HDAC6: variants seen among roughly 807,000 people sequenced by gnomAD.
HDAC6 encodes histone deacetylase 6.
HDAC6 carries 5 observed loss-of-function variants against 88.9 expected under a neutral mutation model. That is an observed-to-expected ratio of 0.06 (90% CI 0.03 to 0.12). The LOEUF is 0.12. HDAC6 is among the 10% of genes least tolerant of loss of function. The pLI, the probability that HDAC6 is intolerant of heterozygous loss-of-function variation, is 1.00. For synonymous variants in HDAC6, 378 were observed against 398.0 expected (o/e 0.95, Z 0.60); for missense variants, 706 against 1,014.4 (o/e 0.70, Z 4.13).
chrX:48,815,257 G>A (rs782679240), intron 14 of HDAC6, 127 bp from the exon 15 acceptor site: 3 of 576,143 alleles, frequency 5.2e-6, no homozygotes, highest in Middle Eastern at 3.1e-4. Context: ...AGTGAATTCA[G>A]TGAGGCACCC....
At chrX:48,822,228 G>A (rs2063095162) in intron 23 of HDAC6, among the ~76,000 whole-genome samples, 1 of 111,489 alleles carries the variant, frequency 9.0e-6, no homozygotes, top group African/African-American at 3.3e-5. Flanking sequence ...AGGGGTTCCT[G>A]GACAGTGTGA....
In HDAC6 at chrX:48,818,122, G is replaced by C; in HGVS notation, c.1994+13G>C. ...AGGATGACCCCAGGTAAGGGCTGCA[G>C]TCAGGGGCCGCAGTGTGATCAGGGA... On this transcript the variant is annotated intron_variant, in intron 21 of 28. Coordinates refer to ENST00000334136, the MANE Select transcript of HDAC6 (RefSeq NM_006044.4). The C allele has an allele frequency of 8.4e-7, 1 of 1,190,307 alleles. No individual in the cohort carries two copies. The highest frequency in any genetic ancestry group is 1.1e-6 in the Non-Finnish European group (1 of 883,511).
chrX:48,823,071 C>G lies in HDAC6; in HGVS notation c.2672C>G (p.Ser891Cys). The G allele has an allele frequency of 8.3e-7, 1 of 1,211,262 alleles. No homozygotes were observed. Among genetic ancestry groups the G allele is most frequent in the Non-Finnish European group, 1.1e-6 (1 of 895,268 alleles). The change falls in exon 25 of 29, where the codon TCC becomes TGC. Residue 891 changes from serine to cysteine, a missense_variant. Ser to Cys is a moderately radical substitution (Grantham distance 112, BLOSUM62 -1). Coordinates refer to ENST00000334136, the MANE Select transcript of HDAC6 (RefSeq NM_006044.4). ...KVTSASFGEE[S>C]TPGQTNSETA... ...ACCTCGGCATCATTTGGGGAAGAGT[C>G]CACTCCAGGCCAGACTAACTCAGAG...
intron 10 of HDAC6, among the ~76,000 whole-genome samples, chrX:48,809,346 T>G (rs868930347): frequency 8.9e-6 from 1 of 111,944 alleles, no homozygotes; most frequent in South Asian, 3.7e-4. Flanking sequence ...CGAGTATCCC[T>G]TATATGAAGT....
intron 10 of HDAC6, among the ~76,000 whole-genome samples, chrX:48,809,315 G>C (rs1430551004): frequency 9.0e-6 from 1 of 111,666 alleles, no homozygotes; most frequent in Non-Finnish European, 1.9e-5. Flanking sequence ...TTGTCAGTAG[G>C]AGACATTACT....
intron 10 of HDAC6, among the ~76,000 whole-genome samples, chrX:48,811,970 T>C (rs2062909230): frequency 8.9e-6 from 1 of 112,421 alleles, no homozygotes; most frequent in Non-Finnish European, 1.9e-5. Context: ...TAATTTCTCC[T>C]GTAAATATTT....
Position 48,808,128 on chromosome X carries a change from G to T in HDAC6, c.728G>T (p.Arg243Leu). The change falls in exon 9 of 29, where the codon CGC becomes CTC. Residue 243 changes from arginine (R) to leucine (L), a missense_variant. This residue lies in a region of HDAC6 where 193 missense variants were observed against 258.2 expected (regional missense o/e 0.75). Coordinates refer to ENST00000334136, the MANE Select transcript of HDAC6 (RefSeq NM_006044.4). ...VAARYAQQKH[R>L]IRRVLIVDWD... Reference sequence around the variant, plus strand: ...GCCCGCTATGCTCAACAGAAACACCGCATCCGGAGGTCAGCAACAGAGGGC... The same window carrying T: ...GCCCGCTATGCTCAACAGAAACACCTCATCCGGAGGTCAGCAACAGAGGGC... 2 of 1,199,539 alleles carry T rather than the reference G, an allele frequency of 1.7e-6. No individual in the cohort carries two copies. Among genetic ancestry groups the T allele is most frequent in the South Asian group, 3.6e-5 (2 of 55,734 alleles).
At chrX:48,808,733 TATAAA>T (rs1165731967) in intron 10 of HDAC6, among the ~76,000 whole-genome samples, 2 of 112,300 alleles carry the variant, frequency 1.8e-5, no homozygotes, top group South Asian at 3.6e-4. Context: ...AAAAAACAAA[TATAAA>T]TAAATAAATA....
rs782078648 is a variant in HDAC6 at position 48,824,567 on chromosome X, C to T, written c.3603C>T (p.Ile1201=). 9.9e-6 allele frequency: 12 copies of T among 1,207,761 alleles called. No individual in the cohort carries two copies. The Admixed American group carries it at 1.1e-4, about 11-fold the overall frequency. ...HHQALLDVKN[I]AHQNKFGEDM... ...AGGCTCTCCTAGATGTGAAGAACAT[C>T]GCCCACCAGAACAAGTTTGGGGAGG... Residue 1201 remains isoleucine, a synonymous_variant, in exon 29 of 29, where the codon ATC becomes ATT. Coordinates refer to ENST00000334136, the MANE Select transcript of HDAC6 (RefSeq NM_006044.4).
At position 48,818,416 on chromosome X, in the gene HDAC6, C is replaced by T; in HGVS notation, c.2187+4C>T. On this transcript the variant is annotated splice_donor_region_variant and intron_variant, in intron 22 of 28. Coordinates refer to ENST00000334136, the MANE Select transcript of HDAC6 (RefSeq NM_006044.4). The stretch of plus-strand genomic sequence containing the variant: ...GGTGCTTCCCATTGCCTACGAGGTA[C>T]AGCTCAGGATAGATCGCAGGACGTA... The T allele has an allele frequency of 8.6e-7, 1 of 1,166,710 alleles. No homozygotes were observed. Among genetic ancestry groups the T allele is most frequent in the Non-Finnish European group, 1.1e-6 (1 of 871,101 alleles).
rs147652236 is a variant in HDAC6 at position 48,814,749 on chromosome X, G to C, written c.999+9G>C. 2 of 1,209,357 alleles carry C rather than the reference G, an allele frequency of 1.7e-6. No homozygotes were observed. The highest frequency in any genetic ancestry group is 1.8e-5 in the South Asian group (1 of 56,798). ...TGCCAGTCGCCCTCGAGGTCCTGGG[G>C]ATCTGGGGTGTGTTGGGAGGAGGAG... is the stretch of plus-strand genomic sequence containing the variant. On this transcript the variant is annotated intron_variant, in intron 12 of 28. Coordinates refer to ENST00000334136, the MANE Select transcript of HDAC6 (RefSeq NM_006044.4).
Position 48,802,724 on chromosome X carries a change from C to T in HDAC6, c.32C>T (p.Thr11Ile). 4 of 1,209,006 alleles carry T rather than the reference C, an allele frequency of 3.3e-6. No individual in the cohort carries two copies. The highest frequency in any genetic ancestry group is 4.5e-6 in the Non-Finnish European group (4 of 894,157). The part of the protein sequence containing the change: MTSTGQDSTT[T>I]RQRRSRQNPQ... ...TCAACCGGCCAGGATTCCACCACAA[C>T]CAGGCAGCGAAGAAGTAGGCAGAAC... Residue 11 changes from threonine (T) to isoleucine (I), a missense_variant, in exon 2 of 29, where the codon ACC (threonine) becomes ATC (isoleucine). Thr to Ile is a moderately conservative substitution (Grantham distance 89, BLOSUM62 -1). This residue lies in a region of HDAC6 where 193 missense variants were observed against 258.2 expected (regional missense o/e 0.75). Coordinates refer to ENST00000334136, the MANE Select transcript of HDAC6 (RefSeq NM_006044.4).
chrX:48,824,277 G>T lies in HDAC6; in HGVS notation c.3562G>T (p.Ala1188Ser), dbSNP rs782105125. Residue 1188 changes from alanine (A) to serine (S), a missense_variant, in exon 28 of 29, where the codon GCC (alanine) becomes TCC (serine). This residue lies in a region of HDAC6 where 36 missense variants were observed against 35.5 expected (regional missense o/e 1.01). Coordinates refer to ENST00000334136, the MANE Select transcript of HDAC6 (RefSeq NM_006044.4). ...DLSAWCYYCQ[A>S]YVHHQALLDV... ...GTCAGCCTGGTGTTACTACTGTCAG[G>T]CCTATGTCCACCACCAGGTGGGCCC... 17 of 1,208,271 alleles carry T rather than the reference G, an allele frequency of 1.4e-5. No homozygotes were observed. The South Asian group carries it at 1.6e-4, about 11-fold the overall frequency.
chrX:48,818,193 G>C, intron 21 of HDAC6, 27 bp from the exon 22 acceptor site: 1 of 1,174,540 alleles, frequency 8.5e-7, no homozygotes, highest in East Asian at 3.1e-5. Context: ...ACCAGCCATG[G>C]TCCGCTTCCC....
chrX:48,802,264 A>G (rs2062737907), intron 1 of HDAC6, 122 bp downstream of exon 1: 1 of 876,508 alleles, frequency 1.1e-6, no homozygotes, highest in Admixed American at 5.9e-5. Context: ...AGATAGGCCG[A>G]AAGGGCAGGT....
At chrX:48,801,564 C>G (rs1392698224), upstream of HDAC6, 1 of 202,932 alleles carries the variant, frequency 4.9e-6, no homozygotes, top group African/African-American at 3.1e-5. Context: ...GCGACGATAG[C>G]CGAGGCAAGA....
At chrX:48,804,932 T>A (rs1212358419) in intron 4 of HDAC6, among the ~76,000 whole-genome samples, 1 of 109,470 alleles carries the variant, frequency 9.1e-6, no homozygotes, top group African/African-American at 3.3e-5. Flanking sequence ...GGGGGCCAGC[T>A]AGAGTAAAGT....
At position 48,818,324 on chromosome X, in the gene HDAC6, C is replaced by T. The variant is rs1557028462; in HGVS notation, c.2099C>T (p.Thr700Ile). 8.3e-7 allele frequency: 1 copy of T among 1,205,965 alleles called. No individual in the cohort carries two copies. Among genetic ancestry groups the T allele is most frequent in the African/African-American group, 1.7e-5 (1 of 57,948 alleles). ...QIGRAAGTGF[T>I]VNVAWNGPRM... is the part of the protein sequence containing the mutation. The stretch of plus-strand genomic sequence containing the variant: ...GGCCGGGCTGCGGGCACAGGCTTCA[C>T]CGTCAACGTGGCATGGAACGGGCCC... Residue 700 changes from threonine (T) to isoleucine (I), a missense_variant, in exon 22 of 29, where the codon ACC becomes ATC. By Grantham distance (89) the Thr-to-Ile change is moderately conservative. Around this residue, in one of 9 missense-constraint regions of HDAC6, gnomAD observed 138 missense variants for 303.5 expected, o/e 0.45. Coordinates refer to ENST00000334136, the MANE Select transcript of HDAC6 (RefSeq NM_006044.4).
chrX:48,815,241 T>C (rs1330908360), intron 14 of HDAC6, 143 bp from the exon 15 acceptor site: 5 of 560,330 alleles, frequency 8.9e-6, no homozygotes, highest in Admixed American at 5.7e-5. Flanking sequence ...CCTCATATCA[T>C]TGTCCAGTGA....
Sources: gnomAD v4.1 joint callset for allele counts (sites outside exome capture counted in the v4.1 genomes callset) on GRCh38, gnomAD v4.1.1 for gene constraint, gnomAD v4.1.1 regional missense constraint, MANE v1.5 for transcripts, NCBI Gene and HGNC (gene_info 2026-07-23, HGNC 2026-07-21) for gene names.